NR5A2: variants seen among roughly 807,000 people sequenced by gnomAD.
NR5A2 encodes nuclear receptor subfamily 5 group A member 2.
Under a neutral mutation model 62.7 loss-of-function variants are expected in NR5A2, and 26 were observed. That is an observed-to-expected ratio of 0.41 (90% CI 0.30 to 0.58). The LOEUF (loss-of-function observed/expected upper bound fraction) is 0.58, where lower values mean the gene tolerates loss of function less well. Ranked by LOEUF, NR5A2 falls within the 20% of genes least tolerant of loss-of-function variation. The probability of loss-of-function intolerance (pLI) is 0.22; values close to 1 mark genes in which losing one functional copy is unlikely to be tolerated. For synonymous variants in NR5A2, 246 were observed against 241.7 expected, an observed-to-expected ratio of 1.02 and a Z score of -0.16; for missense variants, 541 against 669.1, an observed-to-expected ratio of 0.81 and a Z score of 2.11.
intron 1 of NR5A2, among the ~76,000 whole-genome samples, chr1:200,033,451 G>T (rs1458475491): frequency 6.7e-6 from 1 of 149,048 alleles, no homozygotes; most frequent in East Asian, 1.9e-4. Flanking sequence ...CTTGCAGTGA[G>T]ATATGCTAGT....
At chr1:200,060,939 T>TA (rs60736317) in intron 5 of NR5A2, among the ~76,000 whole-genome samples, 37,747 of 87,668 alleles carry the variant, frequency 0.43, 7,820 homozygotes, top group African/African-American at 0.58. Flanking sequence ...CCATCTCTAC[T>TA]AAAAAAAAAA....
At chr1:200,031,347 T>TA (rs1571686954) in intron 1 of NR5A2, among the ~76,000 whole-genome samples, 1 of 151,596 alleles carries the variant, frequency 6.6e-6, no homozygotes, top group Admixed American at 6.6e-5. Context: ...CTACAAAAAA[T>TA]AAAAAAATAA....
At chr1:200,142,311 T>TGCCTCA (rs1366694623) in intron 7 of NR5A2, among the ~76,000 whole-genome samples, 2 of 149,014 alleles carry the variant, frequency 1.3e-5, no homozygotes, top group African/African-American at 4.9e-5. Context: ...GTGATTCTCC[T>TGCCTCA]GCCTCAGCCT....
At chr1:200,066,574 A>G (rs1333407794) in intron 5 of NR5A2, among the ~76,000 whole-genome samples, 3 of 137,022 alleles carry the variant, frequency 2.2e-5, no homozygotes, top group Non-Finnish European at 4.6e-5. Context: ...CCTGCCATCT[A>G]TTTAATTAAT....
At chr1:200,065,201 C>T (rs1396039474) in intron 5 of NR5A2, among the ~76,000 whole-genome samples, 2 of 152,086 alleles carry the variant, frequency 1.3e-5, no homozygotes, top group South Asian at 4.1e-4. Flanking sequence ...GGCTGGAGTG[C>T]AGTGGTGTGA....
At chr1:200,136,235 T>TG (rs1338841031) in intron 7 of NR5A2, among the ~76,000 whole-genome samples, 1 of 151,968 alleles carries the variant, frequency 6.6e-6, no homozygotes, top group African/African-American at 2.4e-5. Flanking sequence ...TTTTTTTTTT[T>TG]GGAGATGGAA....
chr1:200,075,399 G>T (rs1421079959), intron 5 of NR5A2, among the ~76,000 whole-genome samples: 1 of 152,194 alleles, frequency 6.6e-6, no homozygotes, highest in Non-Finnish European at 1.5e-5. Context: ...AATTACCATT[G>T]TGAATAACAT....
intron 5 of NR5A2, among the ~76,000 whole-genome samples, chr1:200,085,042 C>A (rs1285376450): frequency 2.6e-5 from 4 of 152,156 alleles, no homozygotes; most frequent in Admixed American, 1.3e-4. Flanking sequence ...CGGGGCTCTA[C>A]CCTCAGGAGG....
chr1:200,113,013 G>C (rs1666030531), intron 6 of NR5A2, among the ~76,000 whole-genome samples: 1 of 152,090 alleles, frequency 6.6e-6, no homozygotes, highest in Non-Finnish European at 1.5e-5. Context: ...CCGTGGGTGA[G>C]GGTAATTACT....
chr1:200,127,235 G>A (rs1666743019), intron 7 of NR5A2, among the ~76,000 whole-genome samples: 1 of 152,140 alleles, frequency 6.6e-6, no homozygotes. Context: ...TCTCATCAAT[G>A]AGCATATTAA....
chr1:200,161,698 T>C (rs1048605478), intron 7 of NR5A2, among the ~76,000 whole-genome samples: 2 of 152,224 alleles, frequency 1.3e-5, no homozygotes, highest in Admixed American at 6.5e-5. Flanking sequence ...TTGTTATATT[T>C]GAAATTGGTT....
At chr1:200,054,395 CA>C (rs1662816056) in intron 5 of NR5A2, among the ~76,000 whole-genome samples, 1 of 151,360 alleles carries the variant, frequency 6.6e-6, no homozygotes, top group South Asian at 2.1e-4. Context: ...GAATATCTCA[CA>C]AACACAAGAG....
At chr1:200,070,679 C>CA (rs34685659) in intron 5 of NR5A2, among the ~76,000 whole-genome samples, 14,504 of 133,536 alleles carry the variant, frequency 0.11, 914 homozygotes, top group Non-Finnish European at 0.15. Flanking sequence ...GACTCTGTCT[C>CA]AAAAAAAAAA....
At chr1:200,090,851 C>G (rs1664783215) in intron 5 of NR5A2, among the ~76,000 whole-genome samples, 1 of 152,140 alleles carries the variant, frequency 6.6e-6, no homozygotes, top group African/African-American at 2.4e-5. Context: ...GCCTCTGCCC[C>G]CTCCCTAACA....
In NR5A2 at chr1:200,173,969, A is replaced by G. The variant is rs1482252196; in HGVS notation, c.1385A>G (p.Lys462Arg). ...TTTTTTTTTTTTAATGCAGATGTCA[A>G]AAACCTTGAAAACTTCCAGCTGGTA... ...KFLVLFSLDV[K>R]NLENFQLVEG... The change falls in exon 8 of 8, where the codon AAA (lysine) becomes AGA (arginine). Residue 462 changes from lysine (K) to arginine (R), a missense_variant. Physicochemically the swap from Lys to Arg is conservative, Grantham distance 26. This residue lies in a region of NR5A2 where 379 missense variants were observed against 442.0 expected (regional missense o/e 0.86). Coordinates refer to ENST00000367362, the MANE Select transcript of NR5A2 (RefSeq NM_205860.3). 2.1e-6 allele frequency: 3 copies of G among 1,422,374 alleles called. No individual in the cohort carries two copies. The highest frequency in any genetic ancestry group is 2.9e-5 in the African/African-American group (2 of 68,372). 88.1% of individuals were successfully genotyped at this position (1,422,374 alleles called of 1,614,324 possible). A position where few individuals can be genotyped will look rare whatever the true frequency, so the allele number is the denominator to read the frequency against.
chr1:200,028,967 A>G (rs1661446710), intron 1 of NR5A2: 3 of 393,208 alleles, frequency 7.6e-6, no homozygotes, highest in Non-Finnish European at 1.5e-5. Flanking sequence ...AAAATGTTCT[A>G]TACTTACGAA....
Position 200,039,890 on chromosome 1 carries a change from G to A in NR5A2, c.202+95G>A. 7.1e-7 allele frequency: 1 copy of A among 1,402,706 alleles called. No individual in the cohort carries two copies. Among genetic ancestry groups the A allele is most frequent in the South Asian group, 1.5e-5 (1 of 67,830 alleles). The allele number at this position is 1,402,706 out of a possible 1,614,324, so 86.9% of individuals were successfully genotyped here. On this transcript the variant is annotated intron_variant, in intron 2 of 7. Transcript: ENST00000367362. This position sits in a 1 kb window ranked among gnomAD's most constrained non-coding sequence, Gnocchi z 5.1. Reference sequence around the variant, plus strand: ...AGCCTCCCGCCCCGCGCGGGCGCGGGAGTAGCCCCGCTGGGCGCTCGCAGC... The same window carrying A: ...AGCCTCCCGCCCCGCGCGGGCGCGGAAGTAGCCCCGCTGGGCGCTCGCAGC...
chr1:200,052,427 C>T, intron 5 of NR5A2, among the ~76,000 whole-genome samples: 1 of 152,290 alleles, frequency 6.6e-6, no homozygotes, highest in Admixed American at 6.5e-5. Flanking sequence ...CTCAAGCAAT[C>T]CTCCTGCCTT....
chr1:200,090,822 C>T (rs1024010242), intron 5 of NR5A2, among the ~76,000 whole-genome samples: 1 of 152,152 alleles, frequency 6.6e-6, no homozygotes, highest in African/African-American at 2.4e-5. Context: ...CAAACAGACA[C>T]AGGTTTCCCT....
Sources: allele counts gnomAD v4.1 joint callset (sites outside exome capture counted in the v4.1 genomes callset), GRCh38; gene constraint gnomAD v4.1.1; regional missense constraint gnomAD v4.1.1; non-coding constraint Gnocchi (gnomAD v3.1); transcripts MANE v1.5; gene names NCBI Gene and HGNC (gene_info 2026-07-23, HGNC 2026-07-21).